Variants in MMP27 observed in about 807,000 individuals in gnomAD.
MMP27 encodes the protein matrix metallopeptidase 27.
MMP27 carries 51 observed loss-of-function variants against 48.1 expected under a neutral mutation model. The observed-to-expected ratio is 1.06, with a 90% confidence interval of 0.85 to 1.34. The LOEUF is 1.34. MMP27 is among the 40% of genes most tolerant of loss of function. The probability of loss-of-function intolerance (pLI) is 0.00; values close to 1 mark genes in which losing one functional copy is unlikely to be tolerated. For missense variants in MMP27, 698 were observed against 619.3 expected, an observed-to-expected ratio of 1.13 and a Z score of -1.35; for synonymous variants, 229 against 208.9, an observed-to-expected ratio of 1.10 and a Z score of -0.83.
At chr11:102,695,218 T>A in intron 6 of MMP27, 121 bp from the exon 7 acceptor site, 2 of 1,129,072 alleles carry the variant, frequency 1.8e-6, no homozygotes, top group Non-Finnish European at 2.5e-6. Flanking sequence ...TTGAGATAAT[T>A]AGCATAATTT....
Position 102,696,430 on chromosome 11 carries a change from A to C in MMP27, c.843T>G (p.Pro281=). Residue 281 remains proline (P), a synonymous_variant, in exon 6 of 10, where the codon CCT becomes CCG. Coordinates refer to ENST00000260229, the MANE Select transcript of MMP27 (RefSeq NM_022122.3). ...KEPTIPHACD[P]DLTFDAITTF... ...TTGTGATAGCGTCAAAAGTCAAGTC[A>C]GGGTCACAGGCATGGGGTATAGTGG... 1 of 1,613,934 alleles carries C rather than the reference A, an allele frequency of 6.2e-7. No homozygotes were observed. Among genetic ancestry groups the C allele is most frequent in the Non-Finnish European group, 8.5e-7 (1 of 1,179,874 alleles).
At position 102,703,120 on chromosome 11, in the gene MMP27, T is replaced by C. The variant is rs957864989; in HGVS notation, c.342-2A>G. 20 of 1,607,184 alleles carry C rather than the reference T, an allele frequency of 1.2e-5. No homozygotes were observed. Among genetic ancestry groups the C allele is most frequent in the Middle Eastern group, 1.7e-4 (1 of 6,022 alleles). On this transcript the variant is annotated splice_acceptor_variant, in intron 2 of 9. Coordinates refer to ENST00000260229, the MANE Select transcript of MMP27 (RefSeq NM_022122.3). LOFTEE classifies it high-confidence loss of function. ...ATATCCGGAGTATAGTTTATTATTCTTAAAAATTAACAAAAATATGTCAAT... is the reference window on the plus strand; with the variant it reads ...ATATCCGGAGTATAGTTTATTATTCCTAAAAATTAACAAAAATATGTCAAT...
intron 4 of MMP27, among the ~76,000 whole-genome samples, chr11:102,699,110 G>A (rs1235642856): frequency 6.6e-6 from 1 of 152,168 alleles, no homozygotes; most frequent in African/African-American, 2.4e-5. Context: ...TACCAGGCAT[G>A]TTAGAATTGC....
At position 102,693,985 on chromosome 11, in the gene MMP27, G is replaced by C. The variant is rs369662296; in HGVS notation, c.1114C>G (p.Arg372Gly). 3.7e-6 allele frequency: 6 copies of C among 1,610,902 alleles called. No individual in the cohort carries two copies. The African/African-American group carries it at 8.0e-5, about 22-fold the overall frequency. The change falls in exon 8 of 10, where the codon CGT becomes GGT. Residue 372 changes from arginine to glycine, a missense_variant. Physicochemically the swap from Arg to Gly is moderately radical, Grantham distance 125 (BLOSUM62 -2). Coordinates refer to ENST00000260229, the MANE Select transcript of MMP27 (RefSeq NM_022122.3). ...ACGGCTGCATCTATTTTCTTCACACGTCCTGGAAAACCTAATGTATGGATG... is the reference window on the plus strand; with the variant it reads ...ACGGCTGCATCTATTTTCTTCACACCTCCTGGAAAACCTAATGTATGGATG... ...KSIHTLGFPG[R>G]VKKIDAAVCD...
At chr11:102,696,939 A>G (rs1399960504) in intron 4 of MMP27, 104 bp from the exon 5 acceptor site, 8 of 1,200,946 alleles carry the variant, frequency 6.7e-6, no homozygotes, top group South Asian at 3.2e-5. Flanking sequence ...AAGGCTTGCT[A>G]TACAGCAGAT....
intron 1 of MMP27, 40 bp from the exon 2 acceptor site, chr11:102,704,815 C>G (rs754112556): frequency 1.5e-6 from 2 of 1,347,368 alleles, no homozygotes; most frequent in African/African-American, 1.5e-5. Context: ...GAGGCACAGA[C>G]TACAGGAGAG....
chr11:102,702,424 C>G (rs918847321), intron 4 of MMP27, among the ~76,000 whole-genome samples: 4 of 152,230 alleles, frequency 2.6e-5, no homozygotes, highest in African/African-American at 9.6e-5. Flanking sequence ...TTGTGTACCA[C>G]ACAGGATCAT....
In MMP27 at chr11:102,691,993, G is replaced by C. The variant is rs141611002; in HGVS notation, c.1315C>G (p.Arg439Gly). The change falls in exon 10 of 10, where the codon CGT becomes GGT. Residue 439 changes from arginine to glycine, a missense_variant. Physicochemically the swap from Arg to Gly is moderately radical, Grantham distance 125. Coordinates refer to ENST00000260229, the MANE Select transcript of MMP27 (RefSeq NM_022122.3). ...FQYKGFFFFS[R>G]GSKQFEYDIK... is the part of the protein sequence containing the mutation. ...TCGTATTCAAATTGCTTTGATCCACGGCTGAAAAAGAAGAATCCTAGAGAC... is the reference window on the plus strand; with the variant it reads ...TCGTATTCAAATTGCTTTGATCCACCGCTGAAAAAGAAGAATCCTAGAGAC... 6.2e-7 allele frequency: 1 copy of C among 1,602,372 alleles called. No homozygotes were observed. Among genetic ancestry groups the C allele is most frequent in the Admixed American group, 1.7e-5 (1 of 59,132 alleles).
At chr11:102,703,144 AT>A in intron 2 of MMP27, 26 bp from the exon 3 acceptor site, 1 of 1,602,366 alleles carries the variant, frequency 6.2e-7, no homozygotes, top group Non-Finnish European at 8.5e-7. Context: ...AAATATGTCA[AT>A]TTCTGGCTTA....
At chr11:102,704,491 T>G in intron 2 of MMP27, 46 bp downstream of exon 2, 1 of 1,392,936 alleles carries the variant, frequency 7.2e-7, no homozygotes, top group Non-Finnish European at 1.0e-6. Flanking sequence ...GAAATTATCT[T>G]TATGTTCCTT....
intron 9 of MMP27, 113 bp from the exon 10 acceptor site, chr11:102,692,123 G>A: frequency 3.1e-6 from 3 of 982,864 alleles, no homozygotes; most frequent in Non-Finnish European, 4.2e-6. Context: ...AGAAATTTGT[G>A]GAATCACATA....
chr11:102,693,692 G>A (rs1860767526), intron 8 of MMP27, among the ~76,000 whole-genome samples: 1 of 152,098 alleles, frequency 6.6e-6, no homozygotes, highest in African/African-American at 2.4e-5. Flanking sequence ...TGCTGAGACA[G>A]GAGGATCTCT....
At chr11:102,704,010 C>T (rs1038673312) in intron 2 of MMP27, among the ~76,000 whole-genome samples, 1 of 152,302 alleles carries the variant, frequency 6.6e-6, no homozygotes, top group Admixed American at 6.5e-5. Context: ...AGATCAAAGG[C>T]ATACCTCATC....
intron 8 of MMP27, among the ~76,000 whole-genome samples, chr11:102,693,261 A>G (rs980298140): frequency 3.9e-5 from 6 of 152,194 alleles, no homozygotes; most frequent in African/African-American, 1.4e-4. Context: ...AGGGCACAAC[A>G]TATGTTAGAT....
chr11:102,699,156 G>T (rs1318511845), intron 4 of MMP27, among the ~76,000 whole-genome samples: 1 of 152,102 alleles, frequency 6.6e-6, no homozygotes, highest in Non-Finnish European at 1.5e-5. Flanking sequence ...TAGTCTGTAA[G>T]GCTCTAAGTA....
chr11:102,694,727 G>C (rs528172478), intron 7 of MMP27, among the ~76,000 whole-genome samples: 2 of 152,054 alleles, frequency 1.3e-5, no homozygotes, highest in Non-Finnish European at 2.9e-5. Flanking sequence ...GGCAGAAAAA[G>C]AGACTTTTTT....
At chr11:102,698,059 T>G (rs573323681) in intron 4 of MMP27, among the ~76,000 whole-genome samples, 8 of 152,300 alleles carry the variant, frequency 5.3e-5, no homozygotes, top group African/African-American at 1.9e-4. Flanking sequence ...TACAGTTACC[T>G]ATTCTTTCTT....
intron 4 of MMP27, among the ~76,000 whole-genome samples, chr11:102,702,291 A>G (rs575666989): frequency 1.2e-4 from 18 of 152,354 alleles, no homozygotes; most frequent in African/African-American, 4.3e-4. Context: ...CTGTCCTTTA[A>G]TTGCTAACTC....
chr11:102,704,320 C>A (rs189348167), intron 2 of MMP27, among the ~76,000 whole-genome samples: 3 of 152,172 alleles, frequency 2.0e-5, no homozygotes, highest in Non-Finnish European at 4.4e-5. Flanking sequence ...ACCTCAGCCA[C>A]GGTAAATAAA....
Sources: allele counts gnomAD v4.1 joint callset (sites outside exome capture counted in the v4.1 genomes callset), GRCh38; gene constraint gnomAD v4.1.1; transcripts MANE v1.5; gene names NCBI Gene and HGNC (gene_info 2026-07-23, HGNC 2026-07-21).